Variants in TCF7L2 observed in about 807,000 individuals in gnomAD.
The protein encoded by TCF7L2 is transcription factor 7 like 2, also known as transcription factor 7-like 2.
TCF7L2 carries 23 observed loss-of-function variants against 77.9 expected under a neutral mutation model. That is an observed-to-expected ratio of 0.30 (90% confidence interval 0.21 to 0.42). The LOEUF (loss-of-function observed/expected upper bound fraction) is 0.42, where lower values mean the gene tolerates loss of function less well. Among genes scored for constraint, TCF7L2 ranks in the 10% least tolerant of loss-of-function variants. The pLI is 1.00. For synonymous variants in TCF7L2, 413 were observed against 340.2 expected, an observed-to-expected ratio of 1.21 and a Z score of -2.36; for missense variants, 654 against 793.1, an observed-to-expected ratio of 0.82 and a Z score of 2.11.
chr10:113,044,547 TCTGTGGGAGGCC>T (rs2053089440), intron 5 of TCF7L2, among the ~76,000 whole-genome samples: 1 of 152,158 alleles, frequency 6.6e-6, no homozygotes. Flanking sequence ...GGCCCCTACC[TCTGTGGGAGGCC>T]CTGTGCCAGG....
chr10:113,097,668 A>C (rs1047239778), intron 5 of TCF7L2, among the ~76,000 whole-genome samples: 3 of 129,062 alleles, frequency 2.3e-5, no homozygotes, highest in Non-Finnish European at 5.4e-5. Context: ...AAAAAAAAAA[A>C]AAAAAACAAC....
At chr10:113,165,425 C>T (rs574507412) in intron 13 of TCF7L2, 130 bp from the exon 15 acceptor site, 48 of 1,029,308 alleles carry the variant, frequency 4.7e-5, no homozygotes, top group South Asian at 3.5e-4. Flanking sequence ...TAATTGTCCT[C>T]GGACCACTGG....
intron 5 of TCF7L2, among the ~76,000 whole-genome samples, chr10:113,104,400 T>G (rs2062015135): frequency 6.6e-6 from 1 of 152,208 alleles, no homozygotes; most frequent in Non-Finnish European, 1.5e-5. Context: ...AGATCCCTTG[T>G]GGAGCAGTGC....
At chr10:113,098,804 G>A (rs149931313) in intron 5 of TCF7L2, among the ~76,000 whole-genome samples, 10 of 152,240 alleles carry the variant, frequency 6.6e-5, no homozygotes, top group South Asian at 2.1e-4. Context: ...ATATAAATTC[G>A]TATTATTGCC....
At chr10:113,082,302 A>G (rs773792997) in intron 5 of TCF7L2, among the ~76,000 whole-genome samples, 33 of 150,480 alleles carry the variant, frequency 2.2e-4, no homozygotes, top group Admixed American at 7.3e-4. Context: ...AATTACCCAT[A>G]TAATGTCTTT....
In TCF7L2 at chr10:113,165,726, G is replaced by A. The variant is rs1323784944; in HGVS notation, c.1563G>A (p.Leu521=). ...AGACCCAGCCTCTGTCGCTGTCCCT[G>A]AAGCCCGACCCCCTGGCCCACCTGT... The change falls in exon 14 of 14, where the codon CTG becomes CTA. Residue 521 remains leucine, a synonymous_variant. Transcript: ENST00000627217. 1 of 1,606,858 alleles carries A rather than the reference G, an allele frequency of 6.2e-7. No homozygotes were observed. The highest frequency in any genetic ancestry group is 1.4e-5 in the African/African-American group (1 of 72,220).
chr10:113,044,997 T>C (rs1295887359), intron 5 of TCF7L2, among the ~76,000 whole-genome samples: 2 of 152,100 alleles, frequency 1.3e-5, no homozygotes, highest in Non-Finnish European at 2.9e-5. Flanking sequence ...CGGAACTTGC[T>C]GACAGGTTAG....
intron 11 of TCF7L2, among the ~76,000 whole-genome samples, chr10:113,155,413 C>G (rs577878175): frequency 6.6e-6 from 1 of 152,144 alleles, no homozygotes; most frequent in Non-Finnish European, 1.5e-5. Context: ...AGTAGCGTGG[C>G]CACTTCCCTG....
intron 5 of TCF7L2, among the ~76,000 whole-genome samples, chr10:113,088,156 C>T (rs750177990): frequency 3.9e-5 from 6 of 151,964 alleles, no homozygotes; most frequent in Admixed American, 6.6e-5. Flanking sequence ...TAAAAAGAAA[C>T]GTAGAATATT....
At chr10:113,125,854 C>T (rs1329782544) in intron 5 of TCF7L2, 2 of 152,208 alleles carry the variant, frequency 1.3e-5, no homozygotes, top group Non-Finnish European at 2.9e-5. Flanking sequence ...ATAATACGAT[C>T]ACAGTCCGCT....
At chr10:112,990,235 G>T (rs2042283933) in intron 4 of TCF7L2, among the ~76,000 whole-genome samples, 1 of 152,122 alleles carries the variant, frequency 6.6e-6, no homozygotes, top group African/African-American at 2.4e-5. Context: ...TCTCAGCTTA[G>T]ACACATGAAT....
At chr10:113,027,311 G>A (rs1259576119) in intron 4 of TCF7L2, among the ~76,000 whole-genome samples, 2 of 152,110 alleles carry the variant, frequency 1.3e-5, no homozygotes, top group African/African-American at 2.4e-5. Flanking sequence ...GGTTTTGATA[G>A]GGGTGTTTAT....
At position 113,044,304 on chromosome 10, in the gene TCF7L2, A is replaced by C. The variant is rs1332478963; in HGVS notation, c.552+4178A>C. Among the ~76,000 whole-genome samples, 5 of 152,312 alleles carry C rather than the reference A, an allele frequency of 3.3e-5. No individual in the cohort carries two copies. The East Asian group carries it at 9.6e-4, about 29-fold the overall frequency. ...AAAATCTCTGCCGTCTACCCTGTGC[A>C]TTTTCGAGGAAGCTCAGAGGGCATG... On this transcript the variant is annotated intron_variant, in intron 5 of 13. Coordinates refer to ENST00000627217, the MANE Select transcript of TCF7L2 (RefSeq NM_001146274.2).
chr10:112,971,711 C>A (rs1040416171), intron 4 of TCF7L2, among the ~76,000 whole-genome samples: 16 of 151,766 alleles, frequency 1.1e-4, no homozygotes, highest in Non-Finnish European at 4.4e-5. Flanking sequence ...TTCCCGGGTT[C>A]AAGCAATTCT....
intron 5 of TCF7L2, 29 bp from the exon 6 acceptor site, chr10:113,141,155 G>A (rs1006194987): frequency 2.0e-5 from 33 of 1,611,862 alleles, no homozygotes; most frequent in Admixed American, 3.3e-5. Flanking sequence ...CCGGCTTGAC[G>A]GTGTCTTTCT....
At chr10:113,028,166 G>A (rs1056746305) in intron 4 of TCF7L2, among the ~76,000 whole-genome samples, 4 of 152,190 alleles carry the variant, frequency 2.6e-5, no homozygotes, top group Non-Finnish European at 5.9e-5. Flanking sequence ...GGGAACAACT[G>A]GGGCAGAGTC....
chr10:113,123,809 G>A (rs148238517), intron 5 of TCF7L2, among the ~76,000 whole-genome samples: 1 of 152,196 alleles, frequency 6.6e-6, no homozygotes, highest in African/African-American at 2.4e-5. Context: ...ACGTGCGTGT[G>A]AACAAATGGG....
At chr10:113,117,957 G>C (rs2064102872) in intron 5 of TCF7L2, among the ~76,000 whole-genome samples, 2 of 150,942 alleles carry the variant, frequency 1.3e-5, no homozygotes, top group South Asian at 4.2e-4. Context: ...ACATTAGCTT[G>C]CTCGCCCCCA....
intron 5 of TCF7L2, among the ~76,000 whole-genome samples, chr10:113,104,905 A>G (rs1157170542): frequency 1.3e-5 from 2 of 152,214 alleles, no homozygotes; most frequent in Non-Finnish European, 2.9e-5. Context: ...AGGAGGGCAC[A>G]GTTAACTCAG....
Sources: gnomAD v4.1 joint callset for allele counts (sites outside exome capture counted in the v4.1 genomes callset) on GRCh38, gnomAD v4.1.1 for gene constraint, MANE v1.5 for transcripts, NCBI Gene and HGNC (gene_info 2026-07-23, HGNC 2026-07-21) for gene names.